FMNL2: variants seen among roughly 807,000 people sequenced by gnomAD.
FMNL2 encodes the protein formin like 2, also known as formin-like protein 2.
A neutral mutation model predicts 130.2 loss-of-function variants in FMNL2; 51 were observed. The ratio of observed to expected loss-of-function variants is 0.39; its 90% CI spans 0.31 to 0.49. FMNL2 has a LOEUF of 0.49. Among genes scored for constraint, FMNL2 ranks in the 20% least tolerant of loss-of-function variants. FMNL2 has a pLI of 0.85. For missense variants in FMNL2, 977 were observed against 1,316.2 expected (o/e 0.74, Z 3.99); for synonymous variants, 465 against 467.1 (o/e 1.00, Z 0.06).
chr2:152,549,805 C>G (rs1443573348), intron 4 of FMNL2, among the ~76,000 whole-genome samples: 1 of 152,144 alleles, frequency 6.6e-6, no homozygotes, highest in Non-Finnish European at 1.5e-5. Context: ...AGAATGATAT[C>G]AGGTATCCTA....
chr2:152,337,468 T>A (rs1454386818), intron 1 of FMNL2, among the ~76,000 whole-genome samples: 2 of 151,260 alleles, frequency 1.3e-5, no homozygotes, highest in Non-Finnish European at 2.9e-5. Context: ...GGGAAACCAG[T>A]GCAGCAGCCA....
rs751145819 is a variant in FMNL2, at chr2:152,611,619, T to C, written c.1062+14T>C. Reference sequence around the variant, plus strand: ...GAATACTTGGACGTGAGTATAGCTGTGACCTTTGGCTCCAATATAAGAATT... The same window carrying C: ...GAATACTTGGACGTGAGTATAGCTGCGACCTTTGGCTCCAATATAAGAATT... On this transcript the variant is annotated intron_variant, in intron 11 of 25. Transcript: ENST00000288670. 1 of 1,511,588 alleles carries C rather than the reference T, an allele frequency of 6.6e-7. No homozygotes were observed. The highest frequency in any genetic ancestry group is 1.2e-5 in the South Asian group (1 of 85,664). 93.6% of individuals were successfully genotyped at this position (1,511,588 alleles called of 1,614,324 possible). A position where few individuals can be genotyped will look rare whatever the true frequency, so the allele number is the denominator to read the frequency against.
intron 1 of FMNL2, among the ~76,000 whole-genome samples, chr2:152,353,975 T>C (rs976236649): frequency 2.6e-5 from 4 of 152,230 alleles, no homozygotes; most frequent in Non-Finnish European, 1.5e-5. Context: ...TTGTACCTAC[T>C]GACCTTCTGT....
chr2:152,601,180 TTTCTC>T (rs1698027872), intron 9 of FMNL2, among the ~76,000 whole-genome samples: 1 of 152,184 alleles, frequency 6.6e-6, no homozygotes, highest in Admixed American at 6.5e-5. Context: ...AGGCTTTCCC[TTTCTC>T]GGCCAAGCCC....
chr2:152,634,399 C>G (rs182411148), intron 21 of FMNL2, among the ~76,000 whole-genome samples: 2 of 152,350 alleles, frequency 1.3e-5, no homozygotes, highest in Admixed American at 1.3e-4. Context: ...TACCACTTCA[C>G]TCCAGCCTGG....
chr2:152,391,697 G>A (rs1685116218), intron 1 of FMNL2, among the ~76,000 whole-genome samples: 1 of 148,194 alleles, frequency 6.7e-6, no homozygotes, highest in African/African-American at 2.5e-5. Context: ...GTGACTTGAA[G>A]CAAGAACATT....
At chr2:152,551,294 T>C (rs2083098) in intron 4 of FMNL2, among the ~76,000 whole-genome samples, 84,340 of 152,042 alleles carry the variant, frequency 0.55, 24,351 homozygotes, top group Non-Finnish European at 0.64. Flanking sequence ...TGCAAGCAAT[T>C]GGAGTGGTTT....
chr2:152,625,184 GAA>G, intron 15 of FMNL2: 14 of 344,156 alleles, frequency 4.1e-5, no homozygotes, highest in South Asian at 1.9e-4. Flanking sequence ...TGAGTTAAAA[GAA>G]AAAAAAAAAT....
At position 152,468,223 on chromosome 2, in the gene FMNL2, C is replaced by T. The variant is rs143692277; in HGVS notation, c.118-53720C>T. Among the ~76,000 whole-genome samples the T allele has an allele frequency of 5.9e-3, 898 of 152,128 alleles. 12 individuals carry two copies. The highest frequency in any genetic ancestry group is 0.021 in the African/African-American group (872 of 41,400). ...GATTAAGAAACTAATTCCCCTGATA[C>T]ATAATGAGATTTCTCTCTTGTTTCC... On this transcript the variant is annotated intron_variant, in intron 1 of 25. Transcript: ENST00000288670.
At chr2:152,351,001 C>T (rs1682449945) in intron 1 of FMNL2, among the ~76,000 whole-genome samples, 1 of 152,140 alleles carries the variant, frequency 6.6e-6, no homozygotes, top group Non-Finnish European at 1.5e-5. Context: ...GCTGAGATCA[C>T]ACCACTGCAC....
chr2:152,627,779 A>T (rs1299420276), intron 17 of FMNL2, among the ~76,000 whole-genome samples: 1 of 152,252 alleles, frequency 6.6e-6, no homozygotes, highest in African/African-American at 2.4e-5. Context: ...TAAAACATTC[A>T]ATAATACAGG....
chr2:152,505,935 C>G (rs1692145691), intron 1 of FMNL2, among the ~76,000 whole-genome samples: 1 of 152,106 alleles, frequency 6.6e-6, no homozygotes, highest in Non-Finnish European at 1.5e-5. Context: ...AATAATTATG[C>G]CAGGACAGCA....
At chr2:152,574,345 A>G (rs1460664602) in intron 6 of FMNL2, among the ~76,000 whole-genome samples, 1 of 150,906 alleles carries the variant, frequency 6.6e-6, no homozygotes, top group Admixed American at 6.6e-5. Flanking sequence ...CTGAGGCAGG[A>G]GAATCGCTTG....
intron 1 of FMNL2, among the ~76,000 whole-genome samples, chr2:152,380,475 C>T (rs1156842445): frequency 2.6e-5 from 4 of 152,230 alleles, no homozygotes; most frequent in Non-Finnish European, 5.9e-5. Context: ...ATGCTTGTGT[C>T]CTTAAAATGT....
chr2:152,419,752 C>T (rs1686809973), intron 1 of FMNL2, among the ~76,000 whole-genome samples: 1 of 152,062 alleles, frequency 6.6e-6, no homozygotes, highest in African/African-American at 2.4e-5. Flanking sequence ...TGTGTCTAGG[C>T]GCCCCTGAGA....
intron 15 of FMNL2, chr2:152,620,919 T>C: frequency 1.0e-6 from 1 of 985,316 alleles, no homozygotes; most frequent in Middle Eastern, 5.2e-4. Context: ...CGGTGACTTA[T>C]TTCTACCCTT....
chr2:152,418,937 C>G (rs1686761622), intron 1 of FMNL2, among the ~76,000 whole-genome samples: 1 of 150,172 alleles, frequency 6.7e-6, no homozygotes, highest in Non-Finnish European at 1.5e-5. Context: ...TCCGAGCCCT[C>G]CATATCCTTA....
chr2:152,571,053 C>T (rs966241130), intron 6 of FMNL2, among the ~76,000 whole-genome samples: 1 of 152,310 alleles, frequency 6.6e-6, no homozygotes, highest in East Asian at 1.9e-4. Flanking sequence ...CCCTCCCTCT[C>T]CAGTTCCACA....
At chr2:152,644,464 G>A (rs951546476) in intron 25 of FMNL2, among the ~76,000 whole-genome samples, 15 of 152,154 alleles carry the variant, frequency 9.9e-5, no homozygotes, top group Admixed American at 9.2e-4. Context: ...GATGGAACTC[G>A]TAATATGAGC....
Sources: gnomAD v4.1 joint callset for allele counts (sites outside exome capture counted in the v4.1 genomes callset) on GRCh38, gnomAD v4.1.1 for gene constraint, MANE v1.5 for transcripts, NCBI Gene and HGNC (gene_info 2026-07-23, HGNC 2026-07-21) for gene names.